The following DSCAML1 variants were observed in gnomAD, a reference collection of about 807,000 sequenced individuals.
DSCAML1 encodes DS cell adhesion molecule like 1, also known as cell adhesion molecule DSCAML1.
Under a neutral mutation model 200.5 loss-of-function variants are expected in DSCAML1, and 38 were observed. The observed-to-expected ratio is 0.19, with a 90% confidence interval of 0.15 to 0.25. DSCAML1 has a LOEUF of 0.25. Ranked by LOEUF, DSCAML1 falls within the 10% of genes least tolerant of loss-of-function variation. The probability of loss-of-function intolerance (pLI) is 1.00; values close to 1 mark genes in which losing one functional copy is unlikely to be tolerated. For missense variants in DSCAML1, 2,223 were observed against 2,858.8 expected (o/e 0.78, Z 5.07); for synonymous variants, 1,215 against 1,165.0 (o/e 1.04, Z -0.87).
rs139039293 is a variant in DSCAML1, at chr11:117,581,751, T to C, written c.512-49229A>G. On this transcript the variant is annotated intron_variant, in intron 3 of 32. Coordinates refer to ENST00000651296, the MANE Select transcript of DSCAML1 (RefSeq NM_020693.4). ...CAACTGAGGCTTAGAAATGTTAACT[T>C]GATTAAGGTCATGCAGCTGGTAAGT... Among the ~76,000 whole-genome samples the C allele has an allele frequency of 1.7e-3, 257 of 152,302 alleles. 2 individuals carry two copies. Among genetic ancestry groups the C allele is most frequent in the Admixed American group, 0.012 (190 of 15,298 alleles).
At chr11:117,664,675 T>C (rs1419364936) in intron 3 of DSCAML1, among the ~76,000 whole-genome samples, 1 of 152,244 alleles carries the variant, frequency 6.6e-6, no homozygotes, top group Admixed American at 6.5e-5. Context: ...CATTTTTGGT[T>C]GACGAGTGTT....
At position 117,503,891 on chromosome 11, in the gene DSCAML1, G is replaced by A. The variant is rs775738418; in HGVS notation, c.2313C>T (p.Asn771=). 3.1e-6 allele frequency: 5 copies of A among 1,614,170 alleles called. No individual in the cohort carries two copies. The highest frequency in any genetic ancestry group is 1.1e-5 in the South Asian group (1 of 91,072). ...DIGYYLCQAS[N]GVGTDISKSM... ...ACTTGCTGATGTCGGTGCCTACGCC[G>A]TTGCTGGCCTGGCAGAGGTAGTAGC... Residue 771 remains asparagine (N), a synonymous_variant, in exon 11 of 33, where the codon AAC becomes AAT. Transcript: ENST00000651296. This position sits in a 1 kb window ranked among gnomAD's most constrained non-coding sequence, Gnocchi z 5.2.
chr11:117,679,041 G>A (rs1157697040), intron 3 of DSCAML1, among the ~76,000 whole-genome samples: 2 of 152,236 alleles, frequency 1.3e-5, no homozygotes, highest in Admixed American at 6.5e-5. Context: ...CAGGCTCAGC[G>A]GCCTCATTGC....
chr11:117,461,705 A>T, intron 17 of DSCAML1, 109 bp from the exon 18 acceptor site: 1 of 1,024,878 alleles, frequency 9.8e-7, no homozygotes, highest in South Asian at 1.5e-5. Context: ...AGGAGCGTCC[A>T]GTTAGACAAG....
intron 11 of DSCAML1, among the ~76,000 whole-genome samples, chr11:117,499,584 A>G (rs2049357329): frequency 6.6e-6 from 1 of 152,230 alleles, no homozygotes. Flanking sequence ...ACTTAAACCA[A>G]TGACCTTGAT....
At chr11:117,735,868 G>C (rs2054307644) in intron 3 of DSCAML1, among the ~76,000 whole-genome samples, 1 of 152,144 alleles carries the variant, frequency 6.6e-6, no homozygotes, top group Non-Finnish European at 1.5e-5. Context: ...TTTGCATCAG[G>C]GCTGAGGGAG....
intron 3 of DSCAML1, among the ~76,000 whole-genome samples, chr11:117,581,325 T>C (rs2137460948): frequency 6.6e-6 from 1 of 152,330 alleles, no homozygotes; most frequent in South Asian, 2.1e-4. Context: ...TTTATTGAGA[T>C]AGAATTTGCA....
chr11:117,760,980 T>C (rs2054790595), intron 3 of DSCAML1, among the ~76,000 whole-genome samples: 1 of 152,024 alleles, frequency 6.6e-6, no homozygotes. Context: ...TACCACACTC[T>C]AGGATAGCCA....
intron 3 of DSCAML1, among the ~76,000 whole-genome samples, chr11:117,595,045 CTCTG>C (rs10563707): frequency 0.28 from 41,339 of 146,760 alleles, 6,044 homozygotes; most frequent in Middle Eastern, 0.34. Context: ...ATAATGATTA[CTCTG>C]TCTTTCTCTT....
At chr11:117,630,305 C>T (rs1565837652) in intron 3 of DSCAML1, among the ~76,000 whole-genome samples, 3 of 152,124 alleles carry the variant, frequency 2.0e-5, no homozygotes, top group African/African-American at 2.4e-5. Flanking sequence ...GAACAGGCGT[C>T]GAATGCACGT....
At position 117,676,247 on chromosome 11, in the gene DSCAML1, C is replaced by T. The variant is rs575897737; in HGVS notation, c.511+100544G>A. On this transcript the variant is annotated intron_variant, in intron 3 of 32. Transcript: ENST00000651296. The stretch of plus-strand genomic sequence containing the variant: ...ATCAGATAGCAGAGTTTTTACAATT[C>T]GAAGGCAGGGAATGAGGCAGAGATA... 2.7e-4 allele frequency among the ~76,000 whole-genome samples: 41 copies of T among 151,926 alleles called. 1 individual carries two copies. Among genetic ancestry groups the T allele is most frequent in the Admixed American group, 2.1e-3 (32 of 15,256 alleles).
intron 3 of DSCAML1, among the ~76,000 whole-genome samples, chr11:117,539,081 C>T (rs2050217874): frequency 6.6e-6 from 1 of 152,186 alleles, no homozygotes; most frequent in Non-Finnish European, 1.5e-5. Context: ...GCACTCAGTA[C>T]GTGTTTCCAG....
At chr11:117,473,357 C>T (rs2048724385) in intron 14 of DSCAML1, among the ~76,000 whole-genome samples, 1 of 151,854 alleles carries the variant, frequency 6.6e-6, no homozygotes, top group Non-Finnish European at 1.5e-5. Context: ...ATTAGCCGGG[C>T]GTGGTGGTGG....
intron 8 of DSCAML1, among the ~76,000 whole-genome samples, chr11:117,514,913 C>T (rs1172586160): frequency 6.6e-6 from 1 of 152,220 alleles, no homozygotes; most frequent in African/African-American, 2.4e-5. Context: ...CCACTTTCTG[C>T]CCCGAAAACT....
intron 19 of DSCAML1, among the ~76,000 whole-genome samples, chr11:117,451,778 G>C (rs564452851): frequency 6.6e-6 from 1 of 150,584 alleles, no homozygotes; most frequent in African/African-American, 2.5e-5. Flanking sequence ...TCACGCCATT[G>C]CACTCCAGCC....
At chr11:117,661,839 G>A (rs1214118358) in intron 3 of DSCAML1, among the ~76,000 whole-genome samples, 2 of 152,312 alleles carry the variant, frequency 1.3e-5, no homozygotes, top group Admixed American at 6.5e-5. Context: ...TAGGGACTGG[G>A]CCTATGAAAA....
At chr11:117,702,627 A>C (rs1250746303) in intron 3 of DSCAML1, among the ~76,000 whole-genome samples, 1 of 152,154 alleles carries the variant, frequency 6.6e-6, no homozygotes, top group East Asian at 1.9e-4. Context: ...GGCGCATAGT[A>C]GGTATTCAGT....
intron 3 of DSCAML1, among the ~76,000 whole-genome samples, chr11:117,560,416 G>A (rs998413231): frequency 6.6e-6 from 1 of 152,098 alleles, no homozygotes; most frequent in African/African-American, 2.4e-5. Context: ...TTTTACACTG[G>A]TGCTTTCAAA....
At chr11:117,470,506 T>C (rs1187254458) in intron 15 of DSCAML1, among the ~76,000 whole-genome samples, 1 of 152,038 alleles carries the variant, frequency 6.6e-6, no homozygotes, top group African/African-American at 2.4e-5. Flanking sequence ...ACCCAGGGGG[T>C]GGAGCCTGAA....
Sources: gnomAD v4.1 joint callset for allele counts (sites outside exome capture counted in the v4.1 genomes callset) on GRCh38, gnomAD v4.1.1 for gene constraint, Gnocchi (gnomAD v3.1) non-coding constraint, MANE v1.5 for transcripts, NCBI Gene and HGNC (gene_info 2026-07-23, HGNC 2026-07-21) for gene names.